STK32B: variants seen among roughly 807,000 people sequenced by gnomAD.
STK32B encodes serine/threonine-protein kinase 32B.
Under a neutral mutation model 52.6 loss-of-function variants are expected in STK32B, and 43 were observed. That is an observed-to-expected ratio of 0.82 (90% CI 0.64 to 1.05). The LOEUF (loss-of-function observed/expected upper bound fraction) is 1.05. Among genes scored for constraint, STK32B ranks in the 50% least tolerant of loss-of-function variants. The pLI is 0.00. For synonymous variants in STK32B, 238 were observed against 204.3 expected (o/e 1.17, Z -1.41); for missense variants, 621 against 534.6 (o/e 1.16, Z -1.59).
At chr4:5,409,188 C>G (rs1737864230) in intron 5 of STK32B, among the ~76,000 whole-genome samples, 1 of 152,122 alleles carries the variant, frequency 6.6e-6, no homozygotes, top group Non-Finnish European at 1.5e-5. Flanking sequence ...GAATCGAAAT[C>G]TCGGCCAGAA....
chr4:5,200,574 G>A (rs994792713), intron 3 of STK32B, among the ~76,000 whole-genome samples: 5 of 152,098 alleles, frequency 3.3e-5, no homozygotes, highest in Non-Finnish European at 7.3e-5. Context: ...GGCTTTATTA[G>A]TATATTGGCA....
At chr4:5,330,819 G>A (rs759022443) in intron 3 of STK32B, among the ~76,000 whole-genome samples, 1 of 152,200 alleles carries the variant, frequency 6.6e-6, no homozygotes, top group African/African-American at 2.4e-5. Context: ...GCATATGCAG[G>A]GAATGGAGGG....
At chr4:5,371,744 C>G (rs1411068774) in intron 4 of STK32B, among the ~76,000 whole-genome samples, 1 of 152,178 alleles carries the variant, frequency 6.6e-6, no homozygotes. Context: ...AGAAAGCAGC[C>G]GTAATAAACA....
rs530492530 is a variant in STK32B, at chr4:5,203,076, A to G, written c.260+34626A>G. On this transcript the variant is annotated intron_variant, in intron 3 of 11. Coordinates refer to ENST00000282908, the MANE Select transcript of STK32B (RefSeq NM_018401.3). ...TCTTGGAAGCTTTGTGATCTTGGGC[A>G]AGTTAACCAACCTCTCTGGCTTCAA... Among the ~76,000 whole-genome samples, 3 of 152,334 alleles carry G rather than the reference A, an allele frequency of 2.0e-5. No homozygotes were observed. The East Asian group carries it at 5.8e-4, about 29-fold the overall frequency.
intron 3 of STK32B, among the ~76,000 whole-genome samples, chr4:5,241,765 C>T (rs998391339): frequency 1.1e-4 from 16 of 152,102 alleles, no homozygotes; most frequent in Admixed American, 3.3e-4. Context: ...TGTGATGTTC[C>T]GCTTCCTGTG....
chr4:5,484,427 T>A (rs1254612491), intron 11 of STK32B, among the ~76,000 whole-genome samples: 1 of 152,180 alleles, frequency 6.6e-6, no homozygotes, highest in Non-Finnish European at 1.5e-5. Context: ...CTTTTTTTGT[T>A]TTCCATTTGC....
At chr4:5,166,871 C>T (rs965658670) in intron 2 of STK32B, among the ~76,000 whole-genome samples, 4 of 152,196 alleles carry the variant, frequency 2.6e-5, no homozygotes, top group Non-Finnish European at 4.4e-5. Flanking sequence ...GGAACCAATA[C>T]AGTCCCTCCT....
intron 3 of STK32B, among the ~76,000 whole-genome samples, chr4:5,257,924 A>C (rs55866337): frequency 0.12 from 17,813 of 152,074 alleles, 2,858 homozygotes; most frequent in African/African-American, 0.36. Flanking sequence ...GCCTGAGAGA[A>C]AGAGCAAGAC....
At chr4:5,064,442 TATAA>T (rs1742336203) in intron 1 of STK32B, among the ~76,000 whole-genome samples, 1 of 105,880 alleles carries the variant, frequency 9.4e-6, no homozygotes, top group South Asian at 2.7e-4. Flanking sequence ...ACATATAATA[TATAA>T]ATATATACTT....
At chr4:5,196,585 G>A (rs943714442) in intron 3 of STK32B, among the ~76,000 whole-genome samples, 28 of 151,928 alleles carry the variant, frequency 1.8e-4, no homozygotes, top group Admixed American at 1.8e-3. Context: ...GCTGGGCATG[G>A]TGGCGCACGC....
At chr4:5,227,279 TA>T (rs2108802158) in intron 3 of STK32B, among the ~76,000 whole-genome samples, 2 of 152,366 alleles carry the variant, frequency 1.3e-5, no homozygotes, top group East Asian at 3.9e-4. Context: ...TCTCTCACGT[TA>T]AAATCCTTTA....
intron 1 of STK32B, among the ~76,000 whole-genome samples, chr4:5,118,225 G>T (rs988081573): frequency 3.9e-5 from 6 of 152,002 alleles, no homozygotes; most frequent in African/African-American, 9.7e-5. Flanking sequence ...TTCCTGATTC[G>T]ATCTGTCTTC....
chr4:5,272,486 C>T (rs1304040607), intron 3 of STK32B, among the ~76,000 whole-genome samples: 2 of 146,638 alleles, frequency 1.4e-5, no homozygotes, highest in African/African-American at 2.5e-5. Flanking sequence ...TGTGTCTCTG[C>T]CCGGCTTTGG....
chr4:5,389,867 T>C (rs1736490495), intron 4 of STK32B, among the ~76,000 whole-genome samples: 1 of 152,108 alleles, frequency 6.6e-6, no homozygotes, highest in South Asian at 2.1e-4. Context: ...GTGGGCCCAA[T>C]GGAATCACAA....
At chr4:5,444,045 T>C (rs1358160755) in intron 6 of STK32B, among the ~76,000 whole-genome samples, 1 of 152,176 alleles carries the variant, frequency 6.6e-6, no homozygotes, top group African/African-American at 2.4e-5. Context: ...AGGTTACTAC[T>C]GTCTTTTTGT....
At chr4:5,444,895 G>A (rs900073556) in intron 6 of STK32B, among the ~76,000 whole-genome samples, 1 of 152,178 alleles carries the variant, frequency 6.6e-6, no homozygotes, top group Non-Finnish European at 1.5e-5. Flanking sequence ...CACAATGTCA[G>A]TTCCTTTGTA....
At chr4:5,271,047 C>T (rs1186627140) in intron 3 of STK32B, among the ~76,000 whole-genome samples, 2 of 149,756 alleles carry the variant, frequency 1.3e-5, no homozygotes, top group Admixed American at 6.7e-5. Context: ...AAGCAATTCT[C>T]CTGCCTCAGC....
At chr4:5,332,978 C>A (rs1471783027) in intron 4 of STK32B, among the ~76,000 whole-genome samples, 1 of 152,150 alleles carries the variant, frequency 6.6e-6, no homozygotes, top group East Asian at 1.9e-4. Context: ...GTCTTTATAA[C>A]AGCATGATTT....
chr4:5,201,163 GAGA>G (rs1722105638), intron 3 of STK32B, among the ~76,000 whole-genome samples: 1 of 152,220 alleles, frequency 6.6e-6, no homozygotes, highest in Non-Finnish European at 1.5e-5. Context: ...GTGAGTGAAT[GAGA>G]AGGAGAGAGA....
Sources: allele counts gnomAD v4.1 joint callset (sites outside exome capture counted in the v4.1 genomes callset), GRCh38; gene constraint gnomAD v4.1.1; transcripts MANE v1.5; gene names NCBI Gene and HGNC (gene_info 2026-07-23, HGNC 2026-07-21).